Variants in NBAS observed in about 807,000 individuals in gnomAD.
NBAS encodes the protein NBAS subunit of NRZ tethering complex.
In NBAS, 219 loss-of-function variants were observed where a neutral mutation model predicts 302.5. That is an observed-to-expected ratio of 0.72 (90% confidence interval 0.65 to 0.81). The LOEUF (loss-of-function observed/expected upper bound fraction) is 0.81, where lower values mean the gene tolerates loss of function less well. Among genes scored for constraint, NBAS ranks in the 30% least tolerant of loss-of-function variants. The probability of loss-of-function intolerance (pLI) is 0.00; values close to 1 mark genes in which losing one functional copy is unlikely to be tolerated. For missense variants in NBAS, 2,932 were observed against 2,841.6 expected (o/e 1.03, Z -0.72); for synonymous variants, 1,118 against 1,021.6 (o/e 1.09, Z -1.80).
intron 50 of NBAS, among the ~76,000 whole-genome samples, chr2:15,186,349 T>C (rs1665086713): frequency 1.3e-5 from 2 of 152,096 alleles, no homozygotes; most frequent in African/African-American, 4.8e-5. Context: ...AAAAAGCATG[T>C]AAAATTCAAA....
At chr2:15,262,424 C>A (rs897843058) in intron 44 of NBAS, among the ~76,000 whole-genome samples, 4 of 152,166 alleles carry the variant, frequency 2.6e-5, no homozygotes, top group African/African-American at 9.7e-5. Flanking sequence ...TGTCTTCTTA[C>A]TTGTGTCTAA....
At chr2:15,056,466 A>C in the NBAS span, among the ~76,000 whole-genome samples, 1 of 152,226 alleles carries the variant, frequency 6.6e-6, no homozygotes, top group Non-Finnish European at 1.5e-5. Context: ...GTTTTTAGTT[A>C]AAGAGGAAAT....
chr2:14,914,001 G>A, the NBAS span, among the ~76,000 whole-genome samples: 1 of 152,134 alleles, frequency 6.6e-6, no homozygotes, highest in Non-Finnish European at 1.5e-5. Context: ...CAGTTCTGGA[G>A]AGGCCTCACA....
the NBAS span, among the ~76,000 whole-genome samples, chr2:15,108,744 C>T: frequency 6.6e-6 from 1 of 152,038 alleles, no homozygotes; most frequent in African/African-American, 2.4e-5. Context: ...AGTCTGTCAG[C>T]CTGAAAAGGC....
At chr2:15,095,836 C>T in the NBAS span, among the ~76,000 whole-genome samples, 1 of 152,208 alleles carries the variant, frequency 6.6e-6, no homozygotes, top group Non-Finnish European at 1.5e-5. Context: ...GTTGATTCCT[C>T]CAGTCCAACT....
chr2:15,209,147 C>G (rs1042831310), intron 48 of NBAS, among the ~76,000 whole-genome samples: 3 of 151,938 alleles, frequency 2.0e-5, no homozygotes, highest in Non-Finnish European at 4.4e-5. Flanking sequence ...ACTCAAAGGA[C>G]CATTAGTGGC....
chr2:15,248,866 G>A (rs1016933519), intron 44 of NBAS, among the ~76,000 whole-genome samples: 18 of 152,064 alleles, frequency 1.2e-4, no homozygotes, highest in Non-Finnish European at 2.1e-4. Context: ...ACTCAGAGCC[G>A]AAATCTACCA....
the NBAS span, among the ~76,000 whole-genome samples, chr2:14,932,872 AG>A: frequency 6.6e-6 from 1 of 152,166 alleles, no homozygotes; most frequent in African/African-American, 2.4e-5. Context: ...TGGTTTCTAT[AG>A]TTACTTCTGA....
the NBAS span, among the ~76,000 whole-genome samples, chr2:14,905,823 C>A: frequency 1.3e-5 from 2 of 152,104 alleles, no homozygotes; most frequent in African/African-American, 4.8e-5. Context: ...TTATGTAAAT[C>A]CCATCGAGGC....
chr2:15,459,955 C>G (rs1679434079), intron 21 of NBAS, among the ~76,000 whole-genome samples: 1 of 152,088 alleles, frequency 6.6e-6, no homozygotes, highest in Non-Finnish European at 1.5e-5. Flanking sequence ...TTCTGTAAAT[C>G]TCAGCTTTCT....
chr2:15,097,359 G>C, the NBAS span, among the ~76,000 whole-genome samples: 5 of 152,238 alleles, frequency 3.3e-5, no homozygotes, highest in South Asian at 1.0e-3. Context: ...GGCTGAGAGG[G>C]GGCTCTGCTC....
chr2:15,300,793 G>A (rs571492742), intron 40 of NBAS, among the ~76,000 whole-genome samples: 2 of 152,342 alleles, frequency 1.3e-5, no homozygotes, highest in South Asian at 4.1e-4. Flanking sequence ...AACAGACAGA[G>A]ATGGAAGGAG....
intron 22 of NBAS, 71 bp from the exon 23 acceptor site, chr2:15,424,539 A>C: frequency 6.5e-7 from 1 of 1,543,854 alleles, no homozygotes; most frequent in Middle Eastern, 1.7e-4. Flanking sequence ...TGTGAGAGAA[A>C]GACAGGGACA....
the NBAS span, among the ~76,000 whole-genome samples, chr2:14,822,216 C>T: frequency 6.6e-6 from 1 of 152,090 alleles, no homozygotes; most frequent in South Asian, 2.1e-4. Flanking sequence ...AAAATTTGTC[C>T]TCCATTTTTT....
At chr2:15,400,816 CACTA>C (rs1487057110) in intron 26 of NBAS, among the ~76,000 whole-genome samples, 1 of 152,158 alleles carries the variant, frequency 6.6e-6, no homozygotes, top group Non-Finnish European at 1.5e-5. Flanking sequence ...TCCTAAATGA[CACTA>C]ACTGTTTAAA....
intron 6 of NBAS, among the ~76,000 whole-genome samples, chr2:15,543,435 G>A (rs751744297): frequency 8.6e-5 from 13 of 152,028 alleles, no homozygotes; most frequent in African/African-American, 1.4e-4. Context: ...CAGCTCTTAC[G>A]CCAAATAATC....
chr2:15,470,053 T>A (rs537222041), intron 16 of NBAS, among the ~76,000 whole-genome samples: 4 of 152,190 alleles, frequency 2.6e-5, no homozygotes, highest in Non-Finnish European at 5.9e-5. Context: ...AGAGCTATTA[T>A]GGTTATAAAT....
At chr2:14,845,901 C>T in the NBAS span, among the ~76,000 whole-genome samples, 2 of 150,386 alleles carry the variant, frequency 1.3e-5, no homozygotes, top group Non-Finnish European at 2.9e-5. Flanking sequence ...AAGAAGCAAG[C>T]CTACAAGATT....
chr2:15,253,804 C>T (rs1474083350), intron 44 of NBAS, among the ~76,000 whole-genome samples: 1 of 152,138 alleles, frequency 6.6e-6, no homozygotes, highest in Admixed American at 6.5e-5. Context: ...TAACAGACTC[C>T]AATGGAGACC....
Sources: gnomAD v4.1 joint callset for allele counts (sites outside exome capture counted in the v4.1 genomes callset) on GRCh38, gnomAD v4.1.1 for gene constraint, MANE v1.5 for transcripts, NCBI Gene and HGNC (gene_info 2026-07-23, HGNC 2026-07-21) for gene names.